KLHL14: variants seen among roughly 807,000 people sequenced by gnomAD.
KLHL14 encodes kelch like family member 14, also known as kelch-like protein 14.
KLHL14 carries 22 observed loss-of-function variants against 64.3 expected under a neutral mutation model. The observed-to-expected ratio is 0.34, with a 90% CI of 0.24 to 0.49. The LOEUF (loss-of-function observed/expected upper bound fraction) is 0.49, where lower values mean the gene tolerates loss of function less well. Ranked by LOEUF, KLHL14 falls within the 20% of genes least tolerant of loss-of-function variation. KLHL14 has a pLI of 0.99. For missense variants in KLHL14, 661 were observed against 789.0 expected (o/e 0.84, Z 1.94); for synonymous variants, 322 against 333.4 (o/e 0.97, Z 0.37).
chr18:32,758,495 T>A (rs1219106036), intron 2 of KLHL14, among the ~76,000 whole-genome samples: 2 of 152,216 alleles, frequency 1.3e-5, no homozygotes, highest in Non-Finnish European at 2.9e-5. Context: ...ATGGTGCAGC[T>A]GCTTTGAAAA....
At chr18:32,705,967 A>G (rs913192766) in intron 3 of KLHL14, among the ~76,000 whole-genome samples, 4 of 152,184 alleles carry the variant, frequency 2.6e-5, no homozygotes, top group African/African-American at 9.7e-5. Flanking sequence ...GAGCCACCTA[A>G]TCATTCTGGA....
intron 4 of KLHL14, among the ~76,000 whole-genome samples, chr18:32,694,122 A>T (rs2049925806): frequency 6.6e-6 from 1 of 152,206 alleles, no homozygotes; most frequent in Admixed American, 6.5e-5. Context: ...CTATTTTAAC[A>T]GAGGTCTATT....
intron 3 of KLHL14, among the ~76,000 whole-genome samples, chr18:32,739,903 T>C (rs2050187001): frequency 6.6e-6 from 1 of 152,194 alleles, no homozygotes; most frequent in Admixed American, 6.5e-5. Flanking sequence ...ACAGTCCTTA[T>C]GCTAATGTTG....
intron 2 of KLHL14, among the ~76,000 whole-genome samples, chr18:32,754,996 G>C (rs1356758200): frequency 6.6e-6 from 1 of 152,074 alleles, no homozygotes; most frequent in East Asian, 1.9e-4. Context: ...TGGCGGGTGT[G>C]TGTGCTGAGG....
intron 7 of KLHL14, among the ~76,000 whole-genome samples, chr18:32,679,138 C>T (rs1394563953): frequency 6.8e-6 from 1 of 147,408 alleles, no homozygotes; most frequent in African/African-American, 2.6e-5. Context: ...CAGACATGCA[C>T]TAGGCTACTG....
In KLHL14 at chr18:32,683,798, G is replaced by A. The variant is rs951557359; in HGVS notation, c.1239-3199C>T. 6.6e-6 allele frequency among the ~76,000 whole-genome samples: 1 copy of A among 152,158 alleles called. No individual in the cohort carries two copies. Among genetic ancestry groups the A allele is most frequent in the Non-Finnish European group, 1.5e-5 (1 of 68,022 alleles). ...TGTCAGTTTATATCCTAAAGCATGAGATTGGATTACTATATCCTTACCCTG... is the reference window on the plus strand; with the variant it reads ...TGTCAGTTTATATCCTAAAGCATGAAATTGGATTACTATATCCTTACCCTG... On this transcript the variant is annotated intron_variant, in intron 5 of 8. Transcript: ENST00000359358. The surrounding 1 kb of genome is among the most constrained non-coding windows in gnomAD (Gnocchi z 4.2).
intron 3 of KLHL14, among the ~76,000 whole-genome samples, chr18:32,696,462 C>G (rs79762060): frequency 6.6e-6 from 1 of 152,180 alleles, no homozygotes; most frequent in African/African-American, 2.4e-5. Context: ...CATTAGTTAT[C>G]ATATCTCCTA....
At chr18:32,730,244 T>C (rs889675885) in intron 3 of KLHL14, among the ~76,000 whole-genome samples, 3 of 152,210 alleles carry the variant, frequency 2.0e-5, no homozygotes, top group Non-Finnish European at 2.9e-5. Context: ...CCCTTAACTC[T>C]GTGAAGGAGG....
At chr18:32,742,265 C>T (rs139516759) in intron 2 of KLHL14, among the ~76,000 whole-genome samples, 156 of 151,872 alleles carry the variant, frequency 1.0e-3, no homozygotes, top group African/African-American at 3.7e-3. Context: ...GAATAATAAG[C>T]TCCCTTTATG....
rs144466053 is a variant in KLHL14 at position 32,718,456 on chromosome 18, C to T, written c.1070-22904G>A. ...TTCTGTGAGGTAGGCAGAGATATTT[C>T]CCCCCAGACTTAGAGCTGGAAGAGT... On this transcript the variant is annotated intron_variant, in intron 3 of 8. Transcript: ENST00000359358. Among the ~76,000 whole-genome samples, 519 of 152,226 alleles carry T rather than the reference C, an allele frequency of 3.4e-3. 3 individuals are homozygous for T. Among genetic ancestry groups the T allele is most frequent in the Middle Eastern group, 0.02 (6 of 294 alleles).
At chr18:32,736,598 C>A (rs1475066436) in intron 3 of KLHL14, among the ~76,000 whole-genome samples, 4 of 152,002 alleles carry the variant, frequency 2.6e-5, no homozygotes, top group African/African-American at 9.7e-5. Flanking sequence ...TTGATAATTC[C>A]TTGAAATAGT....
At chr18:32,676,074 C>T (rs1305113456) in intron 8 of KLHL14, among the ~76,000 whole-genome samples, 5 of 152,140 alleles carry the variant, frequency 3.3e-5, no homozygotes, top group Non-Finnish European at 2.9e-5. Context: ...TCCTGATGTA[C>T]TGTAATTTGA....
At chr18:32,684,464 G>A (rs1451403586) in intron 5 of KLHL14, among the ~76,000 whole-genome samples, 1 of 152,116 alleles carries the variant, frequency 6.6e-6, no homozygotes, top group Non-Finnish European at 1.5e-5. Flanking sequence ...CGTCAATCTT[G>A]CAGCTCCATC....
At chr18:32,697,119 C>T (rs938260102) in intron 3 of KLHL14, among the ~76,000 whole-genome samples, 1 of 152,136 alleles carries the variant, frequency 6.6e-6, no homozygotes, top group South Asian at 2.1e-4. Flanking sequence ...GTCCTTTAGC[C>T]CATGAATCCT....
chr18:32,680,539 A>C lies in KLHL14; in HGVS notation c.1299T>G (p.Asn433Lys). The C allele has an allele frequency of 1.2e-6, 2 of 1,613,716 alleles. No homozygotes were observed. The highest frequency in any genetic ancestry group is 1.7e-6 in the Non-Finnish European group (2 of 1,179,862). The change falls in exon 6 of 9, where the codon AAT becomes AAG. Residue 433 changes from asparagine (N) to lysine (K), a missense_variant. Physicochemically the swap from Asn to Lys is moderately conservative, Grantham distance 94. Coordinates refer to ENST00000359358, the MANE Select transcript of KLHL14 (RefSeq NM_020805.3). This position sits in a 1 kb window ranked among gnomAD's most constrained non-coding sequence, Gnocchi z 4.8. ...CCACGCTGGACAAGTAGCCAGTTTC[A>C]TTCCTTCCACCAATTACGTATAAAT... is the stretch of plus-strand genomic sequence containing the variant. ...DKHLYVIGGRNETGYLSSVEC... is the reference protein window; with the variant it reads ...DKHLYVIGGRKETGYLSSVEC...
chr18:32,761,749 C>G (rs1033441677), intron 2 of KLHL14, among the ~76,000 whole-genome samples: 2 of 152,178 alleles, frequency 1.3e-5, no homozygotes, highest in African/African-American at 4.8e-5. Context: ...TTGTTCAACT[C>G]TGTATCTCAG....
chr18:32,693,413 C>CACACACACAGAGAGAGAGAG (rs1229737083), intron 4 of KLHL14, among the ~76,000 whole-genome samples: 12 of 97,034 alleles, frequency 1.2e-4, no homozygotes, highest in African/African-American at 5.8e-4. Flanking sequence ...CACACACACA[C>CACACACACAGAGAGAGAGAG]AGAGAGAGAG....
At chr18:32,744,336 G>A (rs1468221927) in intron 2 of KLHL14, 1 of 152,112 alleles carries the variant, frequency 6.6e-6, no homozygotes, top group Non-Finnish European at 1.5e-5. Context: ...AATTAGCCAG[G>A]TATGGTGGCA....
At chr18:32,740,524 C>T (rs1318300149) in intron 3 of KLHL14, among the ~76,000 whole-genome samples, 2 of 152,142 alleles carry the variant, frequency 1.3e-5, no homozygotes, top group Non-Finnish European at 2.9e-5. Flanking sequence ...CTCTCCTCCT[C>T]CTAGTCTCCA....
Sources: allele counts gnomAD v4.1 joint callset (sites outside exome capture counted in the v4.1 genomes callset), GRCh38; gene constraint gnomAD v4.1.1; non-coding constraint Gnocchi (gnomAD v3.1); transcripts MANE v1.5; gene names NCBI Gene and HGNC (gene_info 2026-07-23, HGNC 2026-07-21).